The following GRIP1 variants were observed in gnomAD, a reference collection of about 807,000 sequenced individuals.
The protein encoded by GRIP1 is glutamate receptor interacting protein 1.
In GRIP1, 45 loss-of-function variants were observed where a neutral mutation model predicts 129.9. That is an observed-to-expected ratio of 0.35 (90% CI 0.27 to 0.44). GRIP1 has a LOEUF of 0.44. Among genes scored for constraint, GRIP1 ranks in the 20% least tolerant of loss-of-function variants. GRIP1 has a pLI of 1.00. For missense variants in GRIP1, 1,196 were observed against 1,396.8 expected (o/e 0.86, Z 2.29); for synonymous variants, 530 against 520.8 (o/e 1.02, Z -0.24).
chr12:66,761,550 G>A (rs76097866), intron 1 of GRIP1, among the ~76,000 whole-genome samples: 1,993 of 151,816 alleles, frequency 0.013, 53 homozygotes, highest in African/African-American at 0.046. Flanking sequence ...CTTGTTCCCC[G>A]TCACATTGGA....
intron 1 of GRIP1, among the ~76,000 whole-genome samples, chr12:66,825,681 T>C (rs2039398193): frequency 6.6e-6 from 1 of 152,200 alleles, no homozygotes. Context: ...CTAACAAATG[T>C]CAGCTTTTCC....
intron 11 of GRIP1, among the ~76,000 whole-genome samples, chr12:66,450,743 A>G (rs908611841): frequency 2.6e-5 from 4 of 152,198 alleles, no homozygotes; most frequent in Non-Finnish European, 5.9e-5. Flanking sequence ...TTGAAATTAT[A>G]TGTATTGATT....
At chr12:66,754,406 C>G (rs2037221195) in intron 1 of GRIP1, among the ~76,000 whole-genome samples, 1 of 152,152 alleles carries the variant, frequency 6.6e-6, no homozygotes, top group Non-Finnish European at 1.5e-5. Context: ...CGCAGCGTTT[C>G]TTGGGGATTA....
chr12:66,863,294 A>G (rs1263636207), intron 1 of GRIP1, among the ~76,000 whole-genome samples: 2 of 152,176 alleles, frequency 1.3e-5, no homozygotes, highest in African/African-American at 4.8e-5. Context: ...CTAGGTGCTA[A>G]GAATATAGAA....
intron 14 of GRIP1, among the ~76,000 whole-genome samples, chr12:66,422,320 C>T (rs1306817141): frequency 1.3e-5 from 2 of 152,162 alleles, no homozygotes; most frequent in Non-Finnish European, 2.9e-5. Flanking sequence ...GAATGCAAAA[C>T]ATTCTCTTCA....
chr12:66,790,372 G>A (rs773454510), intron 1 of GRIP1, among the ~76,000 whole-genome samples: 5 of 152,084 alleles, frequency 3.3e-5, no homozygotes, highest in South Asian at 2.1e-4. Flanking sequence ...TTGAGGCATC[G>A]TAAACTGTCA....
chr12:66,811,791 T>C (rs1256128853), intron 1 of GRIP1, among the ~76,000 whole-genome samples: 1 of 152,252 alleles, frequency 6.6e-6, no homozygotes, highest in East Asian at 1.9e-4. Flanking sequence ...ACTGAATTTC[T>C]AAAAGCTGAG....
chr12:66,849,629 G>GA (rs1346969276), intron 1 of GRIP1, among the ~76,000 whole-genome samples: 5 of 151,926 alleles, frequency 3.3e-5, no homozygotes, highest in African/African-American at 4.8e-5. Flanking sequence ...AAACAAAAAT[G>GA]AAAAAATCCT....
intron 1 of GRIP1, among the ~76,000 whole-genome samples, chr12:66,676,815 C>T (rs1414199563): frequency 3.3e-5 from 5 of 152,112 alleles, no homozygotes; most frequent in African/African-American, 9.7e-5. Context: ...ACATATGTTT[C>T]CTGGTTTTAT....
intron 1 of GRIP1, among the ~76,000 whole-genome samples, chr12:66,840,004 T>A (rs1463434359): frequency 6.6e-6 from 1 of 152,180 alleles, no homozygotes; most frequent in Non-Finnish European, 1.5e-5. Flanking sequence ...TTGACCCAAA[T>A]GGGAAATTAT....
chr12:66,432,670 G>A, intron 13 of GRIP1, 42 bp from the exon 14 acceptor site: 1 of 1,063,420 alleles, frequency 9.4e-7, no homozygotes, highest in Admixed American at 1.7e-5. Flanking sequence ...AGAACACTGA[G>A]GACTGGAGCA....
intron 1 of GRIP1, among the ~76,000 whole-genome samples, chr12:67,032,018 T>A (rs1032485495): frequency 1.3e-5 from 2 of 152,182 alleles, no homozygotes; most frequent in African/African-American, 2.4e-5. Flanking sequence ...CGGACTGCTG[T>A]CCTGTCCATG....
chr12:66,996,084 T>C (rs1054764665), intron 1 of GRIP1, among the ~76,000 whole-genome samples: 11 of 152,114 alleles, frequency 7.2e-5, no homozygotes, highest in Non-Finnish European at 1.3e-4. Context: ...ATGCTCAGAA[T>C]AGGCATATCT....
chr12:66,450,552 A>AT (rs1242622284), intron 11 of GRIP1, among the ~76,000 whole-genome samples: 1 of 151,146 alleles, frequency 6.6e-6, no homozygotes, highest in Admixed American at 6.6e-5. Context: ...GATGATAAAA[A>AT]TTATTAGAAA....
At chr12:66,531,252 AAT>A (rs71069009) in intron 4 of GRIP1, among the ~76,000 whole-genome samples, 714 of 19,290 alleles carry the variant, frequency 0.037, 1 homozygote, top group Non-Finnish European at 0.041. Context: ...AAAAAAAAAA[AAT>A]ATATATATAT....
At position 66,886,146 on chromosome 12, in the gene GRIP1, G is replaced by C. The variant is rs2040562699; in HGVS notation, c.58+182904C>G. ...CCAGGCGTGGTGGGGCACGCCTGTA[G>C]TCCCAGCTAGTTGGGAGGCTGAGGC... is the stretch of plus-strand genomic sequence containing the variant. On this transcript the variant is annotated intron_variant, in intron 1 of 1. Coordinates refer to the GRIP1 transcript ENST00000643019. Among the ~76,000 whole-genome samples the C allele has an allele frequency of 2.6e-5, 4 of 151,996 alleles. No homozygotes were observed. In the South Asian group the frequency reaches 8.3e-4, roughly 32 times the overall value.
intron 1 of GRIP1, among the ~76,000 whole-genome samples, chr12:66,719,711 G>T (rs571205689): frequency 6.6e-6 from 1 of 152,190 alleles, no homozygotes; most frequent in Non-Finnish European, 1.5e-5. Context: ...TGAGGCCTTG[G>T]TCTCTAAGGA....
chr12:67,004,032 C>A (rs990462824), intron 1 of GRIP1, among the ~76,000 whole-genome samples: 5 of 152,160 alleles, frequency 3.3e-5, no homozygotes, highest in Non-Finnish European at 7.3e-5. Flanking sequence ...TTCACATCAC[C>A]TTCTCCTCTG....
intron 5 of GRIP1, among the ~76,000 whole-genome samples, chr12:66,522,772 A>T (rs557642778): frequency 5.2e-4 from 79 of 152,202 alleles, no homozygotes; most frequent in African/African-American, 1.8e-3. Context: ...AAGAAGTTAA[A>T]AACTTTGAAA....
Sources: allele counts gnomAD v4.1 joint callset (sites outside exome capture counted in the v4.1 genomes callset), GRCh38; gene constraint gnomAD v4.1.1; transcripts MANE v1.5; gene names NCBI Gene and HGNC (gene_info 2026-07-23, HGNC 2026-07-21).